Variants in KCNK10 observed in about 807,000 individuals in gnomAD.
KCNK10 encodes potassium channel subfamily K member 10.
KCNK10 carries 25 observed loss-of-function variants against 47.7 expected under a neutral mutation model. The ratio of observed to expected loss-of-function variants is 0.52; its 90% CI spans 0.38 to 0.73. KCNK10 has a LOEUF of 0.73. KCNK10 is among the 30% of genes least tolerant of loss of function. The pLI is 0.00. For missense variants in KCNK10, 563 were observed against 714.5 expected, an observed-to-expected ratio of 0.79 and a Z score of 2.42; for synonymous variants, 303 against 285.6, an observed-to-expected ratio of 1.06 and a Z score of -0.61.
At chr14:88,296,371 C>T (rs1887984330) in intron 1 of KCNK10, among the ~76,000 whole-genome samples, 1 of 152,166 alleles carries the variant, frequency 6.6e-6, no homozygotes, top group Non-Finnish European at 1.5e-5. Flanking sequence ...TCAATGAATA[C>T]TTATCTTGTA....
intron 1 of KCNK10, among the ~76,000 whole-genome samples, chr14:88,278,982 A>G (rs1264387757): frequency 6.6e-6 from 1 of 152,192 alleles, no homozygotes; most frequent in Non-Finnish European, 1.5e-5. Context: ...TCACAGGCAC[A>G]TGGAGTAAGT....
Position 88,185,716 on chromosome 14 carries a change from T to C in KCNK10, c.1451A>G (p.Tyr484Cys). 1 of 1,614,102 alleles carries C rather than the reference T, an allele frequency of 6.2e-7. No homozygotes were observed. Among genetic ancestry groups the C allele is most frequent in the Non-Finnish European group, 8.5e-7 (1 of 1,180,028 alleles). The change falls in exon 7 of 7, where the codon TAC becomes TGC. Residue 484 changes from tyrosine to cysteine, a missense_variant. Physicochemically the swap from Tyr to Cys is radical, Grantham distance 194. Transcript: ENST00000319231. The surrounding 1 kb of genome is among the most constrained non-coding windows in gnomAD (Gnocchi z 4.3). ...VQKIYKTFRN[Y>C]SLDEEKKEEE... is the part of the protein sequence containing the mutation. Reference sequence around the variant, plus strand: ...CTCTTTCTTCTCCTCGTCCAGGGAGTAATTCCGGAAGGTCTTGTAGATTTT... The same window carrying C: ...CTCTTTCTTCTCCTCGTCCAGGGAGCAATTCCGGAAGGTCTTGTAGATTTT...
chr14:88,298,573 T>C (rs1888033842), intron 1 of KCNK10, among the ~76,000 whole-genome samples: 1 of 152,158 alleles, frequency 6.6e-6, no homozygotes, highest in Non-Finnish European at 1.5e-5. Context: ...CTCAGCCCTC[T>C]CAGTGACTAT....
intron 1 of KCNK10, among the ~76,000 whole-genome samples, chr14:88,282,672 A>G (rs1175604310): frequency 2.0e-5 from 3 of 152,170 alleles, no homozygotes; most frequent in Non-Finnish European, 1.5e-5. Flanking sequence ...CACTGTCTCA[A>G]ACTAGCTACT....
At chr14:88,255,028 G>C (rs912514400) in intron 2 of KCNK10, among the ~76,000 whole-genome samples, 3 of 152,068 alleles carry the variant, frequency 2.0e-5, no homozygotes, top group South Asian at 2.1e-4. Flanking sequence ...GGTGTTGAGG[G>C]ACCAAGTCTA....
chr14:88,228,945 A>G (rs1886071963), intron 3 of KCNK10, among the ~76,000 whole-genome samples: 1 of 152,280 alleles, frequency 6.6e-6, no homozygotes, highest in Middle Eastern at 3.4e-3. Flanking sequence ...TCATTTTTCC[A>G]AGAATACCCC....
intron 2 of KCNK10, among the ~76,000 whole-genome samples, chr14:88,241,461 G>A (rs886999887): frequency 6.6e-6 from 1 of 152,002 alleles, no homozygotes; most frequent in African/African-American, 2.4e-5. Context: ...CCAAACAGTA[G>A]CCAATTTCAT....
At chr14:88,228,556 T>G (rs1465619338) in intron 3 of KCNK10, among the ~76,000 whole-genome samples, 3 of 152,182 alleles carry the variant, frequency 2.0e-5, no homozygotes, top group Non-Finnish European at 2.9e-5. Context: ...CTCCCAAATC[T>G]GGGTAAATCA....
intron 2 of KCNK10, among the ~76,000 whole-genome samples, chr14:88,245,979 G>A (rs758939240): frequency 2.6e-5 from 4 of 152,278 alleles, no homozygotes; most frequent in East Asian, 1.9e-4. Flanking sequence ...CTCCCTGAAC[G>A]GCACAGTCAG....
intron 2 of KCNK10, among the ~76,000 whole-genome samples, chr14:88,247,356 C>A (rs894236116): frequency 2.0e-5 from 3 of 152,068 alleles, no homozygotes; most frequent in African/African-American, 7.2e-5. Context: ...GTGGACACAC[C>A]CCAATCAAGT....
At chr14:88,256,760 G>A (rs866492792) in intron 2 of KCNK10, among the ~76,000 whole-genome samples, 34 of 152,106 alleles carry the variant, frequency 2.2e-4, no homozygotes, top group African/African-American at 8.2e-4. Flanking sequence ...TCCACGATGC[G>A]CATCAGTTAG....
At chr14:88,326,909 G>T (rs1888678366), upstream of KCNK10, 1 of 180,590 alleles carries the variant, frequency 5.5e-6, no homozygotes, top group Non-Finnish European at 1.1e-5. Flanking sequence ...GATGCCTGCC[G>T]CGTGGGGAGT....
intron 1 of KCNK10, among the ~76,000 whole-genome samples, chr14:88,307,161 G>T (rs572242065): frequency 2.0e-5 from 3 of 152,158 alleles, no homozygotes; most frequent in Non-Finnish European, 4.4e-5. Context: ...CTTTCAAGAT[G>T]GGTGGCCATG....
intron 4 of KCNK10, among the ~76,000 whole-genome samples, chr14:88,198,409 T>A (rs1238430174): frequency 6.6e-6 from 1 of 152,146 alleles, no homozygotes; most frequent in Non-Finnish European, 1.5e-5. Context: ...ATTCTAAATT[T>A]ATCCTACTCA....
Position 88,280,425 on chromosome 14 carries a change from C to T in KCNK10, c.53-16874G>A, listed in dbSNP as rs373927580. Among the ~76,000 whole-genome samples, 11 of 152,256 alleles carry T rather than the reference C, an allele frequency of 7.2e-5. No individual in the cohort carries two copies. In the East Asian group the frequency reaches 2.1e-3, roughly 29 times the overall value. On this transcript the variant is annotated intron_variant, in intron 1 of 6. Coordinates refer to ENST00000319231, the MANE Select transcript of KCNK10 (RefSeq NM_138317.3). Reference sequence around the variant, plus strand: ...CACCCCTTTTGTTCTATATCCTCTCCCTGTGTAATCCCTACCTACATGCTG... The same window carrying T: ...CACCCCTTTTGTTCTATATCCTCTCTCTGTGTAATCCCTACCTACATGCTG...
chr14:88,191,824 C>A (rs1884757494), intron 5 of KCNK10, among the ~76,000 whole-genome samples: 1 of 152,208 alleles, frequency 6.6e-6, no homozygotes, highest in African/African-American at 2.4e-5. Context: ...GCTGAACCTG[C>A]AGGTCACTGC....
chr14:88,190,207 C>T (rs1884701871), intron 5 of KCNK10, among the ~76,000 whole-genome samples: 1 of 152,170 alleles, frequency 6.6e-6, no homozygotes, highest in South Asian at 2.1e-4. Flanking sequence ...TGAACTGAGC[C>T]ATTGGTTAGA....
chr14:88,244,189 A>G (rs1362974614), intron 2 of KCNK10, among the ~76,000 whole-genome samples: 1 of 152,126 alleles, frequency 6.6e-6, no homozygotes, highest in African/African-American at 2.4e-5. Flanking sequence ...CAGAATTCAA[A>G]TGAATCAGCA....
At chr14:88,218,947 T>A (rs575598033) in intron 4 of KCNK10, among the ~76,000 whole-genome samples, 15 of 152,214 alleles carry the variant, frequency 9.9e-5, no homozygotes, top group Non-Finnish European at 1.9e-4. Flanking sequence ...TACTAAAATA[T>A]TCTAAACTCC....
Sources: allele counts gnomAD v4.1 joint callset (sites outside exome capture counted in the v4.1 genomes callset), GRCh38; gene constraint gnomAD v4.1.1; non-coding constraint Gnocchi (gnomAD v3.1); transcripts MANE v1.5; gene names NCBI Gene and HGNC (gene_info 2026-07-23, HGNC 2026-07-21).